The following GATAD2A variants were observed in gnomAD, a reference collection of about 807,000 sequenced individuals.
GATAD2A encodes the protein transcriptional repressor p66-alpha.
Under a neutral mutation model 68.5 loss-of-function variants are expected in GATAD2A, and 12 were observed. The observed-to-expected ratio is 0.18, with a 90% CI of 0.11 to 0.28. GATAD2A has a LOEUF of 0.28. GATAD2A is among the 10% of genes least tolerant of loss of function. GATAD2A has a pLI of 1.00. For missense variants in GATAD2A, 755 were observed against 868.5 expected, an observed-to-expected ratio of 0.87 and a Z score of 1.64; for synonymous variants, 410 against 375.3, an observed-to-expected ratio of 1.09 and a Z score of -1.07.
intron 7 of GATAD2A, among the ~76,000 whole-genome samples, chr19:19,496,862 C>T (rs764838597): frequency 4.3e-4 from 65 of 152,246 alleles, no homozygotes; most frequent in Non-Finnish European, 3.5e-4. Context: ...TGTTGGTGGG[C>T]GTGTTCGCTC....
chr19:19,500,228 T>C (rs1359569250), intron 8 of GATAD2A, among the ~76,000 whole-genome samples: 1 of 152,220 alleles, frequency 6.6e-6, no homozygotes, highest in East Asian at 1.9e-4. Context: ...CCGCTCACGC[T>C]GGCCATGGGT....
Position 19,498,622 on chromosome 19 carries a change from C to A in GATAD2A, c.1104C>A (p.Pro368=). Residue 368 remains proline, a synonymous_variant, in exon 8 of 12, where the codon CCC becomes CCA. Transcript: ENST00000683918. ...TACTCGAGATCCCCCCACCCAAGCC[C>A]CCAGCCCCAGAGATGAACTTCCTGC... The part of the protein sequence containing the change: ...KTLLEIPPPK[P]PAPEMNFLPS... 2 of 1,613,836 alleles carry A rather than the reference C, an allele frequency of 1.2e-6. No individual in the cohort carries two copies. Among genetic ancestry groups the A allele is most frequent in the Non-Finnish European group, 1.7e-6 (2 of 1,179,922 alleles).
intron 1 of GATAD2A, among the ~76,000 whole-genome samples, chr19:19,407,790 A>C (rs1011206612): frequency 2.0e-5 from 3 of 152,236 alleles, no homozygotes; most frequent in African/African-American, 7.2e-5. Flanking sequence ...CTTTGGACTC[A>C]GAAAAGTTGG....
At chr19:19,478,977 T>C (rs2058866976) in intron 2 of GATAD2A, among the ~76,000 whole-genome samples, 1 of 152,366 alleles carries the variant, frequency 6.6e-6, no homozygotes, top group Admixed American at 6.5e-5. Context: ...TGGCTATTTC[T>C]GTGTCCATCC....
chr19:19,486,085 C>G (rs1362732134), intron 2 of GATAD2A, among the ~76,000 whole-genome samples: 3 of 152,218 alleles, frequency 2.0e-5, no homozygotes, highest in African/African-American at 7.2e-5. Context: ...AGGAAGTGGG[C>G]GCTCCCCAGC....
intron 1 of GATAD2A, among the ~76,000 whole-genome samples, chr19:19,461,991 T>G (rs1417310451): frequency 6.6e-6 from 1 of 152,218 alleles, no homozygotes; most frequent in African/African-American, 2.4e-5. Context: ...TGCCTGGAAC[T>G]TCCGCCACCG....
chr19:19,396,373 A>G (rs2049242014), intron 1 of GATAD2A, among the ~76,000 whole-genome samples: 1 of 152,210 alleles, frequency 6.6e-6, no homozygotes, highest in Non-Finnish European at 1.5e-5. Context: ...GAGGTTGGAC[A>G]ACAATCTGTG....
chr19:19,387,473 C>T (rs917453669), intron 1 of GATAD2A, among the ~76,000 whole-genome samples: 7 of 152,116 alleles, frequency 4.6e-5, no homozygotes, highest in Non-Finnish European at 8.8e-5. Context: ...GCACCCACCA[C>T]CATGCCTGGC....
At chr19:19,498,319 T>C (rs2060285774) in intron 7 of GATAD2A, 124 bp from the exon 8 acceptor site, 4 of 855,954 alleles carry the variant, frequency 4.7e-6, no homozygotes, top group Non-Finnish European at 7.0e-6. Context: ...TCACTTTTGT[T>C]AAGGACGCCA....
chr19:19,440,920 C>T (rs2054956530), intron 1 of GATAD2A, among the ~76,000 whole-genome samples: 1 of 119,898 alleles, frequency 8.3e-6, no homozygotes. Context: ...TCCTTCCTTC[C>T]CTTTCCTTCC....
intron 5 of GATAD2A, 50 bp downstream of exon 5, chr19:19,494,433 G>A (rs1309110237): frequency 8.6e-7 from 1 of 1,165,364 alleles, no homozygotes; most frequent in East Asian, 2.4e-5. Context: ...CACTGCTGCT[G>A]TCAAGCACAG....
chr19:19,486,541 C>T (rs1165490815), intron 2 of GATAD2A, among the ~76,000 whole-genome samples: 1 of 152,230 alleles, frequency 6.6e-6, no homozygotes, highest in African/African-American at 2.4e-5. Context: ...GCTCCCGCCC[C>T]ACCAAATGAC....
At chr19:19,436,203 C>T (rs779063165) in intron 1 of GATAD2A, 36 of 1,365,184 alleles carry the variant, frequency 2.6e-5, no homozygotes, top group East Asian at 4.5e-5. Flanking sequence ...GACCAGCACC[C>T]CATACCCCGA....
chr19:19,495,725 G>T, intron 5 of GATAD2A, 29 bp from the exon 6 acceptor site: 2 of 1,585,480 alleles, frequency 1.3e-6, no homozygotes, highest in Non-Finnish European at 1.7e-6. Flanking sequence ...TCCGGTCCAT[G>T]TAAATCTGGG....
chr19:19,397,328 C>T (rs1372593527), intron 1 of GATAD2A, among the ~76,000 whole-genome samples: 2 of 151,470 alleles, frequency 1.3e-5, no homozygotes, highest in African/African-American at 2.4e-5. Context: ...CCGCAACCTC[C>T]GCCTCCTGGG....
rs140091615 is a variant in GATAD2A, at chr19:19,495,741, G to A, written c.625-13G>A. On this transcript the variant is annotated splice_polypyrimidine_tract_variant and intron_variant, in intron 5 of 11. Transcript: ENST00000683918. ...CCGGTCCATGTAAATCTGGGTCTTG[G>A]TATCGTTGGCAGACCTCTTCAGCTC... The A allele has an allele frequency of 1.8e-3, 2,885 of 1,595,788 alleles. 7 individuals are homozygous for A. The highest frequency in any genetic ancestry group is 2.9e-3 in the Admixed American group (170 of 58,866).
intron 2 of GATAD2A, among the ~76,000 whole-genome samples, chr19:19,486,619 G>A (rs971086831): frequency 6.6e-6 from 1 of 152,240 alleles, no homozygotes; most frequent in African/African-American, 2.4e-5. Flanking sequence ...ACCTGGTGCA[G>A]GGGACGCAGG....
intron 1 of GATAD2A, among the ~76,000 whole-genome samples, chr19:19,387,201 C>T (rs1466378789): frequency 6.6e-6 from 1 of 151,962 alleles, no homozygotes; most frequent in Non-Finnish European, 1.5e-5. Flanking sequence ...ACCCCTTCTT[C>T]CCCGGGGGAC....
At chr19:19,423,563 G>T (rs1473024370) in intron 1 of GATAD2A, among the ~76,000 whole-genome samples, 1 of 152,230 alleles carries the variant, frequency 6.6e-6, no homozygotes, top group African/African-American at 2.4e-5. Flanking sequence ...CCTTAGCCAG[G>T]GCCATTGGTG....
Sources: gnomAD v4.1 joint callset for allele counts (sites outside exome capture counted in the v4.1 genomes callset) on GRCh38, gnomAD v4.1.1 for gene constraint, MANE v1.5 for transcripts, NCBI Gene and HGNC (gene_info 2026-07-23, HGNC 2026-07-21) for gene names.